Variants in NAV3 observed in about 807,000 individuals in gnomAD.
NAV3 encodes the protein neuron navigator 3, also known as pore membrane and/or filament interacting like protein 1.
Under a neutral mutation model 244.7 loss-of-function variants are expected in NAV3, and 87 were observed. That is an observed-to-expected ratio of 0.36 (90% CI 0.30 to 0.42). The LOEUF (loss-of-function observed/expected upper bound fraction) is 0.42. Among genes scored for constraint, NAV3 ranks in the 20% least tolerant of loss-of-function variants. The pLI is 1.00. For missense variants in NAV3, 2,663 were observed against 2,893.3 expected, an observed-to-expected ratio of 0.92 and a Z score of 1.83; for synonymous variants, 1,126 against 1,042.2, an observed-to-expected ratio of 1.08 and a Z score of -1.55.
At chr12:77,713,206 T>G (rs1876204769) in intron 2 of NAV3, among the ~76,000 whole-genome samples, 1 of 152,202 alleles carries the variant, frequency 6.6e-6, no homozygotes, top group Non-Finnish European at 1.5e-5. Flanking sequence ...AACAAGTAAT[T>G]TATCTTATTA....
intron 1 of NAV3, among the ~76,000 whole-genome samples, chr12:77,890,418 G>A (rs868731217): frequency 5.3e-5 from 8 of 151,938 alleles, no homozygotes; most frequent in South Asian, 4.2e-4. Context: ...ACCAGCCTCA[G>A]TTGAATTTTT....
At chr12:77,842,719 C>G (rs1446561827) in intron 1 of NAV3, among the ~76,000 whole-genome samples, 27 of 151,904 alleles carry the variant, frequency 1.8e-4, no homozygotes, top group Admixed American at 1.5e-3. Flanking sequence ...AACTCAGCAT[C>G]AAAAGAAGAA....
chr12:77,904,171 G>T (rs1885668243), intron 1 of NAV3, among the ~76,000 whole-genome samples: 1 of 152,256 alleles, frequency 6.6e-6, no homozygotes, highest in South Asian at 2.1e-4. Flanking sequence ...TATAAATCAT[G>T]CTGCTATAAA....
At chr12:77,857,503 G>T (rs1878571880) in intron 1 of NAV3, among the ~76,000 whole-genome samples, 1 of 151,726 alleles carries the variant, frequency 6.6e-6, no homozygotes, top group African/African-American at 2.4e-5. Flanking sequence ...AAATAAAAAT[G>T]TAATGAATTC....
chr12:77,870,852 G>C (rs540837387), intron 1 of NAV3, among the ~76,000 whole-genome samples: 1 of 152,294 alleles, frequency 6.6e-6, no homozygotes, highest in South Asian at 2.1e-4. Context: ...CATCCACAAC[G>C]TAGAAGCAAA....
intron 2 of NAV3, among the ~76,000 whole-genome samples, chr12:77,663,955 A>G (rs969498995): frequency 1.3e-5 from 2 of 152,346 alleles, no homozygotes; most frequent in South Asian, 2.1e-4. Flanking sequence ...AGCAATCAAT[A>G]TATTTTTACC....
chr12:77,957,542 A>C (rs1054116474), intron 3 of NAV3, among the ~76,000 whole-genome samples: 1 of 152,222 alleles, frequency 6.6e-6, no homozygotes, highest in African/African-American at 2.4e-5. Context: ...TTGCAGTAAA[A>C]AATGCTAAAA....
chr12:77,815,231 T>C (rs530708166), intron 2 of NAV3, among the ~76,000 whole-genome samples: 1 of 152,286 alleles, frequency 6.6e-6, no homozygotes, highest in Non-Finnish European at 1.5e-5. Context: ...TTTAACTTAG[T>C]ATAGTCTTAA....
intron 1 of NAV3, among the ~76,000 whole-genome samples, chr12:77,923,242 C>T (rs1399295819): frequency 1.3e-5 from 2 of 151,942 alleles, no homozygotes; most frequent in African/African-American, 4.8e-5. Context: ...AAATAAAAAG[C>T]ACATTTTCTA....
At chr12:77,993,794 T>C (rs1412358811) in intron 5 of NAV3, among the ~76,000 whole-genome samples, 1 of 152,168 alleles carries the variant, frequency 6.6e-6, no homozygotes, top group African/African-American at 2.4e-5. Flanking sequence ...CACCCCCATG[T>C]TGTTCTTGTT....
At chr12:77,796,235 G>A (rs899745992) in intron 2 of NAV3, among the ~76,000 whole-genome samples, 13 of 152,112 alleles carry the variant, frequency 8.5e-5, no homozygotes, top group Non-Finnish European at 1.3e-4. Context: ...ATTAATGAGA[G>A]TTTGAAAAAT....
intron 2 of NAV3, among the ~76,000 whole-genome samples, chr12:77,792,474 A>G (rs1186969884): frequency 6.6e-6 from 1 of 152,184 alleles, no homozygotes; most frequent in Non-Finnish European, 1.5e-5. Context: ...TACAGGGAGC[A>G]TCATACAAGG....
chr12:78,031,426 CTGTT>C (rs1182755643), intron 9 of NAV3, among the ~76,000 whole-genome samples: 2 of 152,034 alleles, frequency 1.3e-5, no homozygotes, highest in African/African-American at 2.4e-5. Flanking sequence ...ACTGCAGTGA[CTGTT>C]TGAGGACTGG....
chr12:77,607,411 G>A (rs185879491), intron 2 of NAV3, among the ~76,000 whole-genome samples: 2 of 152,154 alleles, frequency 1.3e-5, no homozygotes, highest in Admixed American at 6.5e-5. Flanking sequence ...ATAAGGAAAA[G>A]CAAACATGGA....
intron 1 of NAV3, among the ~76,000 whole-genome samples, chr12:77,872,081 G>A (rs981052219): frequency 6.6e-6 from 1 of 152,096 alleles, no homozygotes; most frequent in Non-Finnish European, 1.5e-5. Context: ...CTGCACAAAT[G>A]TCTTCTTTTG....
At chr12:77,634,417 A>G (rs1214670651) in intron 2 of NAV3, among the ~76,000 whole-genome samples, 3 of 152,218 alleles carry the variant, frequency 2.0e-5, no homozygotes, top group Admixed American at 2.0e-4. Flanking sequence ...GAAGTAGCCT[A>G]TGTAATAATT....
At chr12:77,664,842 A>G (rs1873644447) in intron 2 of NAV3, among the ~76,000 whole-genome samples, 1 of 152,228 alleles carries the variant, frequency 6.6e-6, no homozygotes, top group African/African-American at 2.4e-5. Context: ...CTTAATCTGC[A>G]TGTAATAGAT....
At chr12:77,832,662 A>G (rs190394070) in intron 1 of NAV3, among the ~76,000 whole-genome samples, 1 of 152,302 alleles carries the variant, frequency 6.6e-6, no homozygotes, top group African/African-American at 2.4e-5. Flanking sequence ...TTATTTAAAA[A>G]TATAGAATAA....
intron 8 of NAV3, among the ~76,000 whole-genome samples, chr12:78,020,708 G>A (rs1877007388): frequency 6.6e-6 from 1 of 151,820 alleles, no homozygotes; most frequent in African/African-American, 2.4e-5. Context: ...CTCAAATTTA[G>A]ATTAAAAGCA....
Sources: allele counts gnomAD v4.1 joint callset (sites outside exome capture counted in the v4.1 genomes callset), GRCh38; gene constraint gnomAD v4.1.1; transcripts MANE v1.5; gene names NCBI Gene and HGNC (gene_info 2026-07-23, HGNC 2026-07-21).